Variants in RBMS2 observed in about 807,000 individuals in gnomAD.
The protein encoded by RBMS2 is RNA-binding motif, single-stranded-interacting protein 2.
RBMS2 carries 38 observed loss-of-function variants against 58.4 expected under a neutral mutation model. The ratio of observed to expected loss-of-function variants is 0.65; its 90% CI spans 0.50 to 0.85. The LOEUF (loss-of-function observed/expected upper bound fraction) is 0.85, where lower values mean the gene tolerates loss of function less well. Among genes scored for constraint, RBMS2 ranks in the 40% least tolerant of loss-of-function variants. The pLI is 0.00. For missense variants in RBMS2, 367 were observed against 503.7 expected, an observed-to-expected ratio of 0.73 and a Z score of 2.60; for synonymous variants, 151 against 180.7, an observed-to-expected ratio of 0.84 and a Z score of 1.32.
intron 1 of RBMS2, among the ~76,000 whole-genome samples, chr12:56,550,625 T>C (rs917267660): frequency 6.6e-6 from 1 of 151,782 alleles, no homozygotes; most frequent in Non-Finnish European, 1.5e-5. Flanking sequence ...GTGGATCACA[T>C]GAGATTGGGA....
At chr12:56,559,476 G>A (rs952530164) in intron 1 of RBMS2, among the ~76,000 whole-genome samples, 2 of 148,422 alleles carry the variant, frequency 1.3e-5, no homozygotes, top group Admixed American at 1.3e-4. Context: ...GTGAGCCACC[G>A]TGCCCGGCCA....
intron 1 of RBMS2, among the ~76,000 whole-genome samples, chr12:56,537,405 T>C (rs1373765987): frequency 3.3e-5 from 5 of 152,234 alleles, no homozygotes; most frequent in Non-Finnish European, 7.3e-5. Flanking sequence ...CTCGATGAAT[T>C]TGACTATCCT....
At chr12:56,582,922 G>A (rs375186022) in intron 9 of RBMS2, among the ~76,000 whole-genome samples, 8 of 151,958 alleles carry the variant, frequency 5.3e-5, no homozygotes, top group Non-Finnish European at 8.8e-5. Context: ...CGCCCGCCTC[G>A]GCCTCCCAAA....
chr12:56,589,270 T>C lies in RBMS2; in HGVS notation c.*137T>C, dbSNP rs1234635471. The C allele has an allele frequency of 8.3e-6, 12 of 1,439,522 alleles. No homozygotes were observed. The highest frequency in any genetic ancestry group is 1.0e-5 in the Non-Finnish European group (11 of 1,086,072). The allele number at this position is 1,439,522 out of a possible 1,614,324, so 89.2% of individuals were successfully genotyped here. On this transcript the variant is annotated 3_prime_UTR_variant, in exon 14 of 14. Transcript: ENST00000262031. ...TAAGGACTAACACTTAGCCATCGTT[T>C]TTCACAGGCCTGGGCCTGGAAAAAG...
chr12:56,528,652 A>G (rs770544622), intron 1 of RBMS2, among the ~76,000 whole-genome samples: 1 of 152,184 alleles, frequency 6.6e-6, no homozygotes, highest in Non-Finnish European at 1.5e-5. Context: ...CAGATAATAA[A>G]AAAGACAGTC....
At chr12:56,543,794 A>G (rs780931590) in intron 1 of RBMS2, among the ~76,000 whole-genome samples, 30 of 151,580 alleles carry the variant, frequency 2.0e-4, no homozygotes, top group Non-Finnish European at 4.3e-4. Context: ...CAGACTCTCA[A>G]ATAGCTGGGA....
intron 4 of RBMS2, among the ~76,000 whole-genome samples, chr12:56,570,960 T>C (rs539417792): frequency 2.0e-5 from 3 of 152,248 alleles, no homozygotes; most frequent in East Asian, 3.9e-4. Context: ...TCTGTAATGG[T>C]TAAAGAAAAG....
At position 56,592,513 on chromosome 12, in the gene RBMS2, TTTTA is replaced by T. The variant is rs1384342152; in HGVS notation, c.*3384_*3387del. 2.0e-5 allele frequency: 3 copies of T among 151,830 alleles called. No individual in the cohort carries two copies. Among genetic ancestry groups the T allele is most frequent in the Non-Finnish European group, 2.9e-5 (2 of 68,040 alleles). 9.4% of individuals were successfully genotyped at this position (151,830 alleles called of 1,614,324 possible). A position where few individuals can be genotyped will look rare whatever the true frequency, so the allele number is the denominator to read the frequency against. On this transcript the variant is annotated 3_prime_UTR_variant, in exon 14 of 14. Transcript: ENST00000262031. ...ATGATGATGGAGAGAGATGTTTTTA[TTTTA>T]TTTTATTTTTTCAGACAGAGTCTTG...
Position 56,588,372 on chromosome 12 carries a change from G to C in RBMS2, c.1141G>C (p.Glu381Gln). The change falls in exon 12 of 14, where the codon GAG becomes CAG. Residue 381 changes from glutamate (E) to glutamine (Q), a missense_variant and splice_region_variant. Coordinates refer to ENST00000262031, the MANE Select transcript of RBMS2 (RefSeq NM_002898.4). ...TPVPSSSVSV[E>Q]ESSGQQNQVA... ...TGTGCCTTCTTCCAGTGTTTCAGTCGAGGTAAGGGTGTTATCATTTCTTTG... is the reference window on the plus strand; with the variant it reads ...TGTGCCTTCTTCCAGTGTTTCAGTCCAGGTAAGGGTGTTATCATTTCTTTG... The C allele has an allele frequency of 6.2e-7, 1 of 1,610,206 alleles. No individual in the cohort carries two copies. The highest frequency in any genetic ancestry group is 8.5e-7 in the Non-Finnish European group (1 of 1,176,684).
chr12:56,552,002 C>T (rs779417317), intron 1 of RBMS2, among the ~76,000 whole-genome samples: 13 of 152,162 alleles, frequency 8.5e-5, no homozygotes, highest in South Asian at 4.1e-4. Flanking sequence ...GCAGGAGAAC[C>T]GCTTGAACCC....
intron 1 of RBMS2, among the ~76,000 whole-genome samples, chr12:56,559,716 T>C (rs976511523): frequency 6.0e-5 from 9 of 148,996 alleles, no homozygotes; most frequent in Non-Finnish European, 1.2e-4. Context: ...CCAGGCGTGG[T>C]GGCGGGCGCC....
chr12:56,533,083 C>T (rs1442567313), intron 1 of RBMS2, among the ~76,000 whole-genome samples: 3 of 151,872 alleles, frequency 2.0e-5, no homozygotes, highest in Non-Finnish European at 4.4e-5. Context: ...TACAGATGTG[C>T]GTCACCATGC....
At chr12:56,568,161 G>T (rs1404360218) in intron 2 of RBMS2, among the ~76,000 whole-genome samples, 4 of 152,238 alleles carry the variant, frequency 2.6e-5, no homozygotes, top group Admixed American at 6.5e-5. Context: ...AAGCAATTTG[G>T]CTCAGGTTGA....
At chr12:56,569,131 C>T in intron 3 of RBMS2, 98 bp downstream of exon 3, 1 of 1,096,126 alleles carries the variant, frequency 9.1e-7, no homozygotes, top group Non-Finnish European at 1.4e-6. Flanking sequence ...TCTACAGTGT[C>T]AGCGAGAAGT....
intron 4 of RBMS2, 117 bp from the exon 5 acceptor site, chr12:56,571,581 T>G (rs1379118878): frequency 8.8e-7 from 1 of 1,141,632 alleles, no homozygotes; most frequent in African/African-American, 1.6e-5. Context: ...AGAATAATCT[T>G]TGTTTATGTG....
At chr12:56,524,535 C>T (rs911691452) in intron 1 of RBMS2, among the ~76,000 whole-genome samples, 2 of 151,222 alleles carry the variant, frequency 1.3e-5, no homozygotes, top group Non-Finnish European at 2.9e-5. Flanking sequence ...CTGCCTCAGC[C>T]TCACAAGTAG....
Position 56,571,809 on chromosome 12 carries a change from A to T in RBMS2, c.496A>T (p.Ile166Phe). 6.3e-7 allele frequency: 1 copy of T among 1,594,758 alleles called. No homozygotes were observed. The highest frequency in any genetic ancestry group is 8.6e-7 in the Non-Finnish European group (1 of 1,169,198). Residue 166 changes from isoleucine to phenylalanine, a missense_variant, in exon 5 of 14, where the codon ATC becomes TTC. Coordinates refer to ENST00000262031, the MANE Select transcript of RBMS2 (RefSeq NM_002898.4). Reference sequence around the variant, plus strand: ...CTTTGGCCAGGTTATCTCCACCCGTATCCTTCGAGATACCAGTGGGACCAG... The same window carrying T: ...CTTTGGCCAGGTTATCTCCACCCGTTTCCTTCGAGATACCAGTGGGACCAG... ...KPFGQVISTR[I>F]LRDTSGTSRG...
intron 7 of RBMS2, 147 bp from the exon 8 acceptor site, chr12:56,581,686 A>T: frequency 8.5e-7 from 1 of 1,176,422 alleles, no homozygotes; most frequent in Non-Finnish European, 1.2e-6. Context: ...CGGCCTGCAC[A>T]ATTAGAAAAA....
intron 1 of RBMS2, among the ~76,000 whole-genome samples, chr12:56,561,512 C>G (rs1880377680): frequency 6.6e-6 from 1 of 151,884 alleles, no homozygotes; most frequent in South Asian, 2.1e-4. Flanking sequence ...AGTTGCATTT[C>G]TTTCTTTTTT....
Sources: gnomAD v4.1 joint callset for allele counts (sites outside exome capture counted in the v4.1 genomes callset) on GRCh38, gnomAD v4.1.1 for gene constraint, MANE v1.5 for transcripts, NCBI Gene and HGNC (gene_info 2026-07-23, HGNC 2026-07-21) for gene names.